Variants in KAT6A observed in about 807,000 individuals in gnomAD.
KAT6A encodes histone acetyltransferase KAT6A.
In KAT6A, 9 loss-of-function variants were observed where a neutral mutation model predicts 198.4. The ratio of observed to expected loss-of-function variants is 0.05; its 90% confidence interval spans 0.03 to 0.08. KAT6A has a LOEUF of 0.08. Ranked by LOEUF, KAT6A falls within the 10% of genes least tolerant of loss-of-function variation. The pLI, the probability that KAT6A is intolerant of heterozygous loss-of-function variation, is 1.00. For missense variants in KAT6A, 2,077 were observed against 2,509.9 expected (o/e 0.83, Z 3.69); for synonymous variants, 890 against 883.0 (o/e 1.01, Z -0.14).
chr8:42,026,455 G>A (rs930500320), intron 2 of KAT6A, among the ~76,000 whole-genome samples: 1 of 151,838 alleles, frequency 6.6e-6, no homozygotes, highest in South Asian at 2.1e-4. Flanking sequence ...TTTAATCACT[G>A]TTACAGTTTC....
Position 41,938,427 on chromosome 8 carries a change from A to G in KAT6A, c.3040-859T>C, listed in dbSNP as rs1411535801. 7.2e-5 allele frequency among the ~76,000 whole-genome samples: 11 copies of G among 152,356 alleles called. 1 individual carries two copies. In the South Asian group the frequency reaches 1.7e-3, roughly 23 times the overall value. On this transcript the variant is annotated intron_variant, in intron 15 of 16. Transcript: ENST00000265713. ...TATTCTTCATGATCATGCAATGAACAGCAGTTAGTCAATGTTCAATTTTTC... is the reference window on the plus strand; with the variant it reads ...TATTCTTCATGATCATGCAATGAACGGCAGTTAGTCAATGTTCAATTTTTC...
rs551777912 is a variant in KAT6A at position 41,970,892 on chromosome 8, A to G, written c.1482+3812T>C. Among the ~76,000 whole-genome samples the G allele has an allele frequency of 1.9e-4, 29 of 152,386 alleles. No individual in the cohort carries two copies. In the East Asian group the frequency reaches 4.0e-3, roughly 21 times the overall value. ...ATACACCAGGGAATACTATGCAGCCATAAAAAAGGATGAGTTTATGTTCTT... is the reference window on the plus strand; with the variant it reads ...ATACACCAGGGAATACTATGCAGCCGTAAAAAAGGATGAGTTTATGTTCTT... On this transcript the variant is annotated intron_variant, in intron 8 of 16. Coordinates refer to ENST00000265713, the MANE Select transcript of KAT6A (RefSeq NM_006766.5).
rs534147352 is a variant in KAT6A, at chr8:41,959,316, G to A, written c.1483-3905C>T. Among the ~76,000 whole-genome samples the A allele has an allele frequency of 7.2e-5, 11 of 152,162 alleles. No individual in the cohort carries two copies. The South Asian group carries it at 1.7e-3, about 23-fold the overall frequency. ...TCAGATACTACTTCACACCCATTAG[G>A]ATGGTTATTATTTTTAAATGCAAAA... On this transcript the variant is annotated intron_variant, in intron 8 of 16. Transcript: ENST00000265713.
intron 2 of KAT6A, among the ~76,000 whole-genome samples, chr8:42,036,597 A>C (rs892393039): frequency 6.6e-6 from 1 of 152,056 alleles, no homozygotes; most frequent in African/African-American, 2.4e-5. Flanking sequence ...TGGGTGACAG[A>C]GCAAGACTCC....
chr8:41,945,728 A>C (rs986620957), intron 12 of KAT6A, among the ~76,000 whole-genome samples: 2 of 151,960 alleles, frequency 1.3e-5, no homozygotes, highest in Non-Finnish European at 2.9e-5. Flanking sequence ...TTAGCTGTTT[A>C]AAAATATTTC....
chr8:42,019,102 A>G (rs915715342), intron 2 of KAT6A, among the ~76,000 whole-genome samples: 3 of 152,208 alleles, frequency 2.0e-5, no homozygotes, highest in African/African-American at 7.2e-5. Flanking sequence ...GCATTTAGGG[A>G]AAGTCATTTG....
At chr8:41,952,128 C>T (rs948690735) in intron 9 of KAT6A, among the ~76,000 whole-genome samples, 3 of 152,284 alleles carry the variant, frequency 2.0e-5, no homozygotes, top group Admixed American at 6.5e-5. Context: ...TTGTATTCTT[C>T]TTCCATCAAT....
intron 2 of KAT6A, among the ~76,000 whole-genome samples, chr8:42,017,712 T>C (rs534350367): frequency 1.4e-4 from 22 of 152,270 alleles, no homozygotes; most frequent in African/African-American, 5.1e-4. Flanking sequence ...GCCCGAACCT[T>C]GTCCAAAAGA....
intron 6 of KAT6A, among the ~76,000 whole-genome samples, chr8:41,978,242 A>C (rs1474815244): frequency 6.6e-6 from 1 of 152,248 alleles, no homozygotes; most frequent in Non-Finnish European, 1.5e-5. Flanking sequence ...CAGGAGAGTG[A>C]CATGTGAAAT....
Position 41,941,186 on chromosome 8 carries a change from A to G in KAT6A, c.2695T>C (p.Tyr899His). The part of the protein sequence containing the change: ...EETSSAPQEQ[Y>H]GECGEKSEAT... ...TCTGATTTCTCCCCACATTCTCCAT[A>G]TTGTTCCTGAGGAGCTGAAGACGTC... is the stretch of plus-strand genomic sequence containing the variant. The change falls in exon 15 of 17, where the codon TAT (tyrosine) becomes CAT (histidine). Residue 899 changes from tyrosine (Y) to histidine (H), a missense_variant. Tyr to His is a moderately conservative substitution (Grantham distance 83). Coordinates refer to ENST00000265713, the MANE Select transcript of KAT6A (RefSeq NM_006766.5). 1 of 1,613,902 alleles carries G rather than the reference A, an allele frequency of 6.2e-7. No homozygotes were observed. The highest frequency in any genetic ancestry group is 2.2e-5 in the East Asian group (1 of 44,854).
intron 2 of KAT6A, among the ~76,000 whole-genome samples, chr8:41,996,617 A>G (rs1825218175): frequency 6.6e-6 from 1 of 152,058 alleles, no homozygotes; most frequent in Non-Finnish European, 1.5e-5. Flanking sequence ...TTATCAGGGG[A>G]GTGGGCTAGT....
At chr8:41,935,637 A>G (rs941387279) in intron 16 of KAT6A, among the ~76,000 whole-genome samples, 1 of 152,170 alleles carries the variant, frequency 6.6e-6, no homozygotes, top group Non-Finnish European at 1.5e-5. Context: ...CAGTGGCATT[A>G]AGTACACTCA....
intron 11 of KAT6A, 45 bp from the exon 12 acceptor site, chr8:41,946,729 A>T (rs772127094): frequency 9.0e-7 from 1 of 1,106,978 alleles, no homozygotes; most frequent in Non-Finnish European, 1.4e-6. Context: ...GGCTGGTAAA[A>T]GTGAATAATA....
At chr8:41,999,029 A>C (rs1430855719) in intron 2 of KAT6A, among the ~76,000 whole-genome samples, 1 of 152,164 alleles carries the variant, frequency 6.6e-6, no homozygotes, top group African/African-American at 2.4e-5. Context: ...CTACAATTAG[A>C]CATCAATAAG....
At chr8:42,041,192 C>CAAA (rs10595164) in intron 2 of KAT6A, among the ~76,000 whole-genome samples, 1 of 88,844 alleles carries the variant, frequency 1.1e-5, no homozygotes, top group Non-Finnish European at 2.2e-5. Context: ...GATTCCGTCT[C>CAAA]AAAAAAAAAA....
intron 2 of KAT6A, among the ~76,000 whole-genome samples, chr8:41,997,981 T>C (rs1366318048): frequency 1.3e-5 from 2 of 152,090 alleles, no homozygotes; most frequent in Non-Finnish European, 2.9e-5. Context: ...CATGGTATAG[T>C]GAAGGAAACC....
At chr8:42,050,713 A>C (rs1404236606) in intron 1 of KAT6A, among the ~76,000 whole-genome samples, 2 of 152,178 alleles carry the variant, frequency 1.3e-5, no homozygotes, top group African/African-American at 2.4e-5. Flanking sequence ...ACAGATATTA[A>C]GTCTAAACTA....
At chr8:41,942,508 G>T in intron 14 of KAT6A, 1 of 411,086 alleles carries the variant, frequency 2.4e-6, no homozygotes, top group South Asian at 3.1e-5. Flanking sequence ...CTACTATCCA[G>T]CTTAAAACTG....
At chr8:42,020,697 T>C (rs1270654904) in intron 2 of KAT6A, among the ~76,000 whole-genome samples, 1 of 152,228 alleles carries the variant, frequency 6.6e-6, no homozygotes, top group African/African-American at 2.4e-5. Context: ...CTCAAAACTG[T>C]GTTTTGTGCA....
Sources: allele counts gnomAD v4.1 joint callset (sites outside exome capture counted in the v4.1 genomes callset), GRCh38; gene constraint gnomAD v4.1.1; transcripts MANE v1.5; gene names NCBI Gene and HGNC (gene_info 2026-07-23, HGNC 2026-07-21).